EPS15: variants seen among roughly 807,000 people sequenced by gnomAD.
EPS15 encodes epidermal growth factor receptor substrate 15.
EPS15 carries 72 observed loss-of-function variants against 113.8 expected under a neutral mutation model. The observed-to-expected ratio is 0.63, with a 90% CI of 0.52 to 0.77. The LOEUF (loss-of-function observed/expected upper bound fraction) is 0.77, where lower values mean the gene tolerates loss of function less well. Ranked by LOEUF, EPS15 falls within the 30% of genes least tolerant of loss-of-function variation. The pLI, the probability that EPS15 is intolerant of heterozygous loss-of-function variation, is 0.00. For synonymous variants in EPS15, 344 were observed against 363.4 expected, an observed-to-expected ratio of 0.95 and a Z score of 0.61; for missense variants, 1,048 against 1,045.8, an observed-to-expected ratio of 1.00 and a Z score of -0.03.
intron 20 of EPS15, among the ~76,000 whole-genome samples, chr1:51,396,549 A>G (rs1647964483): frequency 6.6e-6 from 1 of 152,188 alleles, no homozygotes; most frequent in African/African-American, 2.4e-5. Context: ...AAAAACTAAC[A>G]GGCTGTGTTT....
chr1:51,398,127 C>T (rs1185083130), intron 20 of EPS15, among the ~76,000 whole-genome samples: 1 of 151,362 alleles, frequency 6.6e-6, no homozygotes, highest in Non-Finnish European at 1.5e-5. Flanking sequence ...GATCTCGGCT[C>T]ACTGCAAGCT....
At chr1:51,495,171 T>A (rs1046893264) in intron 1 of EPS15, among the ~76,000 whole-genome samples, 2 of 152,192 alleles carry the variant, frequency 1.3e-5, no homozygotes, top group Admixed American at 1.3e-4. Context: ...AACTAAGTAG[T>A]GACATCACTG....
At chr1:51,456,859 C>T (rs1056003987) in intron 8 of EPS15, among the ~76,000 whole-genome samples, 1 of 152,062 alleles carries the variant, frequency 6.6e-6, no homozygotes, top group Non-Finnish European at 1.5e-5. Flanking sequence ...CAGACAAATT[C>T]TAACCAAAAG....
At chr1:51,373,150 A>G (rs1166208641) in intron 21 of EPS15, 2 of 163,668 alleles carry the variant, frequency 1.2e-5, no homozygotes, top group Non-Finnish European at 2.8e-5. Context: ...CAAAAAGGAT[A>G]GAAAAGATGA....
intron 13 of EPS15, among the ~76,000 whole-genome samples, chr1:51,410,480 A>T (rs1272651121): frequency 1.3e-5 from 2 of 152,198 alleles, no homozygotes; most frequent in Non-Finnish European, 2.9e-5. Flanking sequence ...AGAAATGCAG[A>T]TCTCAGTGTA....
intron 2 of EPS15, 119 bp from the exon 3 acceptor site, chr1:51,473,067 C>T: frequency 1.4e-6 from 1 of 730,510 alleles, no homozygotes; most frequent in Non-Finnish European, 2.4e-6. Flanking sequence ...GAATGAGAAT[C>T]CTTTGACTAC....
At chr1:51,368,013 T>C (rs761235007) in intron 21 of EPS15, among the ~76,000 whole-genome samples, 30 of 152,154 alleles carry the variant, frequency 2.0e-4, no homozygotes, top group Non-Finnish European at 1.3e-4. Context: ...ACGCCTGTAA[T>C]CTCAGCTACT....
chr1:51,435,490 G>C (rs919783556), intron 12 of EPS15, among the ~76,000 whole-genome samples: 2 of 152,122 alleles, frequency 1.3e-5, no homozygotes, highest in African/African-American at 4.8e-5. Flanking sequence ...CACTGTGTCC[G>C]GCCTAAAATC....
chr1:51,404,054 T>C (rs1358302933), intron 16 of EPS15, among the ~76,000 whole-genome samples: 1 of 152,062 alleles, frequency 6.6e-6, no homozygotes, highest in Non-Finnish European at 1.5e-5. Context: ...ACTTAAGAAG[T>C]AGTAGGGGCA....
At chr1:51,359,445 A>G (rs1393024291) in intron 24 of EPS15, among the ~76,000 whole-genome samples, 2 of 134,966 alleles carry the variant, frequency 1.5e-5, no homozygotes, top group African/African-American at 5.3e-5. Context: ...TCTGTCTTTA[A>G]AAAAAAAAAA....
chr1:51,466,483 T>G (rs1654851262), intron 5 of EPS15, among the ~76,000 whole-genome samples: 1 of 150,968 alleles, frequency 6.6e-6, no homozygotes, highest in Non-Finnish European at 1.5e-5. Context: ...TTTAGCCGGG[T>G]GTGGTGGTGG....
chr1:51,423,001 T>C (rs974604102), intron 12 of EPS15, among the ~76,000 whole-genome samples: 5 of 152,198 alleles, frequency 3.3e-5, no homozygotes, highest in Non-Finnish European at 5.9e-5. Context: ...GAGAAAATTA[T>C]ACCAAAGCAG....
At chr1:51,503,241 T>A (rs1344132201) in intron 1 of EPS15, among the ~76,000 whole-genome samples, 1 of 152,234 alleles carries the variant, frequency 6.6e-6, no homozygotes, top group Admixed American at 6.5e-5. Context: ...GCAATTTATA[T>A]GAGAATTCCA....
chr1:51,421,819 T>C lies in EPS15; in HGVS notation c.1080A>G (p.Glu360=). 1.2e-6 allele frequency: 2 copies of C among 1,608,158 alleles called. No individual in the cohort carries two copies. The highest frequency in any genetic ancestry group is 1.3e-5 in the African/African-American group (1 of 74,930). ...CACTTGTCCTCTGTTTAATAGTATCTTCCTTCTCCTTAAGGTCCTGTTCCA... is the reference window on the plus strand; with the variant it reads ...CACTTGTCCTCTGTTTAATAGTATCCTCCTTCTCCTTAAGGTCCTGTTCCA... ...NNVEQDLKEK[E]DTIKQRTSEV... The change falls in exon 13 of 25, where the codon GAA becomes GAG. Residue 360 remains glutamate, a synonymous_variant. Transcript: ENST00000371733.
Position 51,408,233 on chromosome 1 carries a change from G to C in EPS15, c.1375C>G (p.Gln459Glu). 1.9e-6 allele frequency: 3 copies of C among 1,613,992 alleles called. No individual in the cohort carries two copies. The highest frequency in any genetic ancestry group is 1.6e-4 in the Middle Eastern group (1 of 6,062). ...KAREELSRLQ[Q>E]ETAELEESVE... ...CTCTCCTCCAATTCTGCTGTTTCTT[G>C]CTGTAGACGGCTCAGCTCTTCTCTA... Residue 459 changes from glutamine to glutamate, a missense_variant, in exon 15 of 25, where the codon CAA becomes GAA. Transcript: ENST00000371733.
chr1:51,487,553 G>C (rs1356760394), intron 1 of EPS15, among the ~76,000 whole-genome samples: 2 of 152,062 alleles, frequency 1.3e-5, no homozygotes. Context: ...TATGACAACA[G>C]TATAAATACT....
intron 9 of EPS15, 115 bp from the exon 10 acceptor site, chr1:51,447,220 C>A (rs1471507154): frequency 9.6e-6 from 8 of 829,230 alleles, no homozygotes; most frequent in Non-Finnish European, 1.5e-5. Context: ...ACCCTACTAA[C>A]TCAGAGCAAC....
At chr1:51,422,370 T>C (rs1292466302) in intron 12 of EPS15, among the ~76,000 whole-genome samples, 2 of 152,000 alleles carry the variant, frequency 1.3e-5, no homozygotes, top group Admixed American at 6.6e-5. Flanking sequence ...ACAGAGAAAA[T>C]GGGAAAGATT....
Position 51,463,796 on chromosome 1 carries a change from A to T in EPS15, c.378T>A (p.Pro126=). 6.3e-7 allele frequency: 1 copy of T among 1,575,522 alleles called. No homozygotes were observed. Among genetic ancestry groups the T allele is most frequent in the South Asian group, 1.2e-5 (1 of 85,370 alleles). The change falls in exon 7 of 25, where the codon CCT becomes CCA. Residue 126 remains proline, a splice_region_variant and synonymous_variant. Coordinates refer to ENST00000371733, the MANE Select transcript of EPS15 (RefSeq NM_001981.3). The part of the protein sequence containing the change: ...SAAELPWAVK[P]EDKAKYDAIF... The stretch of plus-strand genomic sequence containing the variant: ...TTGCATCATATTTGGCCTTATCTTC[A>T]GGCTACAATAAAAAACAAAATCACA...
Sources: gnomAD v4.1 joint callset for allele counts (sites outside exome capture counted in the v4.1 genomes callset) on GRCh38, gnomAD v4.1.1 for gene constraint, MANE v1.5 for transcripts, NCBI Gene and HGNC (gene_info 2026-07-23, HGNC 2026-07-21) for gene names.